The following SGCZ variants were observed in gnomAD, a reference collection of about 807,000 sequenced individuals.
The protein encoded by SGCZ is zeta-sarcoglycan.
In SGCZ, 40 loss-of-function variants were observed where a neutral mutation model predicts 41.3. The observed-to-expected ratio is 0.97, with a 90% CI of 0.75 to 1.26. The LOEUF (loss-of-function observed/expected upper bound fraction) is 1.26. Ranked by LOEUF, SGCZ falls within the 50% of genes most tolerant of loss-of-function variation. SGCZ has a pLI of 0.00. For missense variants in SGCZ, 552 were observed against 369.8 expected (o/e 1.49, Z -4.04); for synonymous variants, 206 against 137.5 (o/e 1.50, Z -3.49).
At chr8:14,826,202 C>T (rs187869720) in intron 1 of SGCZ, among the ~76,000 whole-genome samples, 129 of 150,754 alleles carry the variant, frequency 8.6e-4, no homozygotes, top group Admixed American at 5.5e-3. Context: ...TTTGTCCTTG[C>T]GATAGTTTGC....
chr8:14,703,563 A>T (rs909310723), intron 1 of SGCZ, among the ~76,000 whole-genome samples: 1 of 152,034 alleles, frequency 6.6e-6, no homozygotes, highest in African/African-American at 2.4e-5. Flanking sequence ...ACAAGGGCAG[A>T]AACTCTATTC....
intron 2 of SGCZ, among the ~76,000 whole-genome samples, chr8:14,517,167 T>C (rs764772030): frequency 1.3e-5 from 2 of 151,918 alleles, no homozygotes; most frequent in African/African-American, 4.8e-5. Flanking sequence ...CAGAAATAAA[T>C]GTGACATGAG....
chr8:14,415,628 T>G (rs1258882783), intron 2 of SGCZ, among the ~76,000 whole-genome samples: 1 of 151,964 alleles, frequency 6.6e-6, no homozygotes, highest in African/African-American at 2.4e-5. Context: ...GAATCAGATC[T>G]ACGCTTAACA....
intron 2 of SGCZ, among the ~76,000 whole-genome samples, chr8:14,412,522 A>G (rs1585474715): frequency 6.6e-6 from 1 of 152,138 alleles, no homozygotes; most frequent in African/African-American, 2.4e-5. Flanking sequence ...TGCCTTTTGC[A>G]GCTGTTCTGT....
chr8:14,786,839 T>TA (rs200134491), intron 1 of SGCZ, among the ~76,000 whole-genome samples: 11,565 of 99,696 alleles, frequency 0.12, 820 homozygotes, highest in African/African-American at 0.24. Flanking sequence ...AAAGCAGGTT[T>TA]AAAAAAAAAA....
At chr8:14,308,389 A>G (rs985565442) in intron 3 of SGCZ, among the ~76,000 whole-genome samples, 2 of 152,128 alleles carry the variant, frequency 1.3e-5, no homozygotes, top group Admixed American at 1.3e-4. Flanking sequence ...AACTATCTGC[A>G]GTATTTGTGA....
chr8:14,738,446 TA>T (rs1799110939), intron 1 of SGCZ, among the ~76,000 whole-genome samples: 1 of 152,022 alleles, frequency 6.6e-6, no homozygotes, highest in South Asian at 2.1e-4. Context: ...CCCAACTGAT[TA>T]AAAAAAGTTT....
rs899394339 is a variant in SGCZ at position 15,089,711 on chromosome 8, T to C, written c.39+147874A>G. On this transcript the variant is annotated intron_variant, in intron 1 of 7. Transcript: ENST00000382080. The stretch of plus-strand genomic sequence containing the variant: ...TCCTAAAACTCATCTCTTAAGTGTA[T>C]TTTGGGGACTGAGGACATGAACAGA... 4.6e-5 allele frequency among the ~76,000 whole-genome samples: 7 copies of C among 152,116 alleles called. No homozygotes were observed. In the East Asian group the frequency reaches 9.6e-4, roughly 21 times the overall value.
chr8:15,150,455 A>G (rs1486690443), intron 1 of SGCZ, among the ~76,000 whole-genome samples: 1 of 152,174 alleles, frequency 6.6e-6, no homozygotes. Flanking sequence ...GCATAGGTAA[A>G]GCCACGTGAT....
chr8:14,568,775 G>C (rs1397880928), intron 1 of SGCZ, among the ~76,000 whole-genome samples: 2 of 152,196 alleles, frequency 1.3e-5, no homozygotes, highest in African/African-American at 4.8e-5. Context: ...CAAGCACTTT[G>C]AGAATCACCG....
intron 1 of SGCZ, among the ~76,000 whole-genome samples, chr8:14,685,326 C>A (rs575162355): frequency 1.3e-4 from 20 of 152,124 alleles, no homozygotes; most frequent in Middle Eastern, 3.4e-3. Context: ...TTAAAAAATT[C>A]TCTCATTACT....
chr8:14,974,298 G>C (rs1412612045), intron 1 of SGCZ, among the ~76,000 whole-genome samples: 1 of 152,148 alleles, frequency 6.6e-6, no homozygotes, highest in Non-Finnish European at 1.5e-5. Context: ...TATAGTATAT[G>C]TGATATTGAA....
At chr8:14,143,348 C>T (rs7820730) in intron 5 of SGCZ, among the ~76,000 whole-genome samples, 33,194 of 151,912 alleles carry the variant, frequency 0.22, 3,804 homozygotes, top group Middle Eastern at 0.29. Flanking sequence ...AAATAAAATA[C>T]ATACAGGTTA....
At chr8:14,259,186 T>C (rs936827392) in intron 3 of SGCZ, among the ~76,000 whole-genome samples, 5 of 152,168 alleles carry the variant, frequency 3.3e-5, no homozygotes, top group Non-Finnish European at 4.4e-5. Flanking sequence ...ATTTATGCCA[T>C]AGATAAAATA....
chr8:14,767,460 T>A (rs1037037930), intron 1 of SGCZ, among the ~76,000 whole-genome samples: 2 of 152,196 alleles, frequency 1.3e-5, no homozygotes, highest in Non-Finnish European at 2.9e-5. Flanking sequence ...AATTTTACAA[T>A]CAATTTTACT....
chr8:14,408,950 A>AGTGTGTGTGTGTGT (rs36121697), intron 2 of SGCZ, among the ~76,000 whole-genome samples: 1,560 of 126,414 alleles, frequency 0.012, 33 homozygotes, highest in African/African-American at 0.035. Context: ...TTAAATTAAG[A>AGTGTGTGTGTGTGT]GAGTGTGTGT....
At position 14,085,892 on chromosome 8, in the gene SGCZ, A is replaced by G. The variant is rs1410238290; in HGVS notation, c.*4551T>C. 6.6e-6 allele frequency among the ~76,000 whole-genome samples: 1 copy of G among 151,818 alleles called. No individual in the cohort carries two copies. The highest frequency in any genetic ancestry group is 1.5e-5 in the Non-Finnish European group (1 of 67,818). ...AAATTAGTAGGAGCAGCAGTGTTTT[A>G]GAGTTAAATACAATAGAAATCCCAT... On this transcript the variant is annotated 3_prime_UTR_variant, in exon 8 of 8. Transcript: ENST00000382080.
intron 1 of SGCZ, among the ~76,000 whole-genome samples, chr8:14,815,160 G>T (rs1217211152): frequency 1.3e-5 from 2 of 151,864 alleles, no homozygotes; most frequent in African/African-American, 4.8e-5. Context: ...TGTATGTTGA[G>T]AAGAAAGTGC....
At chr8:14,926,974 G>T (rs1015027746) in intron 1 of SGCZ, among the ~76,000 whole-genome samples, 6 of 151,734 alleles carry the variant, frequency 4.0e-5, no homozygotes, top group Non-Finnish European at 8.8e-5. Flanking sequence ...GACATCAAAA[G>T]TCTTTCCTTA....
Sources: gnomAD v4.1 joint callset for allele counts (sites outside exome capture counted in the v4.1 genomes callset) on GRCh38, gnomAD v4.1.1 for gene constraint, MANE v1.5 for transcripts, NCBI Gene and HGNC (gene_info 2026-07-23, HGNC 2026-07-21) for gene names.